LAPTM4A: variants seen among roughly 807,000 people sequenced by gnomAD.
LAPTM4A encodes the protein lysosomal-associated transmembrane protein 4A.
LAPTM4A carries 19 observed loss-of-function variants against 29.9 expected under a neutral mutation model. The ratio of observed to expected loss-of-function variants is 0.64; its 90% CI spans 0.44 to 0.93. LAPTM4A has a LOEUF of 0.93. Ranked by LOEUF, LAPTM4A falls within the 40% of genes least tolerant of loss-of-function variation. LAPTM4A has a pLI of 0.00. For synonymous variants in LAPTM4A, 105 were observed against 102.1 expected, an observed-to-expected ratio of 1.03 and a Z score of -0.17; for missense variants, 293 against 288.5, an observed-to-expected ratio of 1.02 and a Z score of -0.11.
intron 2 of LAPTM4A, among the ~76,000 whole-genome samples, chr2:20,039,460 G>A (rs1558384884): frequency 1.3e-5 from 2 of 152,202 alleles, no homozygotes; most frequent in Admixed American, 1.3e-4. Flanking sequence ...CGGCTTTCAA[G>A]AGTCTGCTAT....
chr2:20,050,584 A>G (rs1273795188), intron 1 of LAPTM4A, among the ~76,000 whole-genome samples: 1 of 152,196 alleles, frequency 6.6e-6, no homozygotes, highest in Non-Finnish European at 1.5e-5. Context: ...TGGATACTAT[A>G]AATGGTGAAT....
intron 1 of LAPTM4A, among the ~76,000 whole-genome samples, chr2:20,041,398 C>T (rs73222121): frequency 0.15 from 23,451 of 152,124 alleles, 1,976 homozygotes; most frequent in Admixed American, 0.2. Context: ...ATGCCCGAAA[C>T]CCCTCCACAG....
At chr2:20,047,916 T>C (rs1673969947) in intron 1 of LAPTM4A, among the ~76,000 whole-genome samples, 1 of 152,100 alleles carries the variant, frequency 6.6e-6, no homozygotes, top group Non-Finnish European at 1.5e-5. Flanking sequence ...AGGAATAGCA[T>C]ATGCAAAGGC....
At chr2:20,044,841 C>G (rs969651572) in intron 1 of LAPTM4A, among the ~76,000 whole-genome samples, 1 of 152,198 alleles carries the variant, frequency 6.6e-6, no homozygotes, top group African/African-American at 2.4e-5. Context: ...TCCATTAGAT[C>G]ACATCATTTC....
intron 1 of LAPTM4A, among the ~76,000 whole-genome samples, chr2:20,046,748 T>TATAATATAA (rs1235276011): frequency 4.5e-5 from 6 of 132,666 alleles, no homozygotes; most frequent in Non-Finnish European, 8.3e-5. Context: ...TAAATATATA[T>TATAATATAA]TATATAAATA....
intron 1 of LAPTM4A, among the ~76,000 whole-genome samples, chr2:20,047,553 G>A (rs1434808302): frequency 2.7e-5 from 4 of 150,118 alleles, no homozygotes; most frequent in African/African-American, 7.3e-5. Context: ...AGCCGGGCGC[G>A]GTGGCGGGCG....
At chr2:20,042,865 G>A (rs1305277084) in intron 1 of LAPTM4A, among the ~76,000 whole-genome samples, 5 of 152,184 alleles carry the variant, frequency 3.3e-5, no homozygotes, top group Non-Finnish European at 7.3e-5. Flanking sequence ...AAAGTTCACA[G>A]AATTTGCCCT....
chr2:20,034,167 C>T (rs1286483488), intron 6 of LAPTM4A, 150 bp downstream of exon 6: 2 of 663,910 alleles, frequency 3.0e-6, no homozygotes, highest in Non-Finnish European at 5.4e-6. Context: ...AATGTTGAAT[C>T]CTGTGGATTT....
At chr2:20,038,479 G>A (rs1198592794) in intron 2 of LAPTM4A, among the ~76,000 whole-genome samples, 1 of 152,184 alleles carries the variant, frequency 6.6e-6, no homozygotes, top group African/African-American at 2.4e-5. Flanking sequence ...AGGCTAGAGT[G>A]CAGTGGCGCG....
chr2:20,048,150 T>C (rs977071410), intron 1 of LAPTM4A, among the ~76,000 whole-genome samples: 1 of 152,212 alleles, frequency 6.6e-6, no homozygotes, highest in Non-Finnish European at 1.5e-5. Flanking sequence ...ATGCTCAAAA[T>C]GTAGTCTTGT....
At chr2:20,036,852 C>T (rs1330445575) in intron 4 of LAPTM4A, among the ~76,000 whole-genome samples, 1 of 152,150 alleles carries the variant, frequency 6.6e-6, no homozygotes, top group East Asian at 1.9e-4. Flanking sequence ...ATCTTGACTC[C>T]CCAAATATTA....
Position 20,046,351 on chromosome 2 carries a change from A to T in LAPTM4A, c.111+5059T>A, listed in dbSNP as rs190291907. On this transcript the variant is annotated intron_variant, in intron 1 of 6. Transcript: ENST00000175091. Reference sequence around the variant, plus strand: ...TACCCTAGAACTTACAGTATAATTTAAAAAAAAAAAGTTTTTTGTTGTTGT... The same window carrying T: ...TACCCTAGAACTTACAGTATAATTTTAAAAAAAAAAGTTTTTTGTTGTTGT... Among the ~76,000 whole-genome samples the T allele has an allele frequency of 3.4e-3, 492 of 144,362 alleles. 3 individuals are homozygous for T. Among genetic ancestry groups the T allele is most frequent in the African/African-American group, 0.012 (429 of 36,648 alleles). 94.7% of individuals were successfully genotyped at this position (144,362 alleles called of 152,430 possible). A position where few individuals can be genotyped will look rare whatever the true frequency, so the allele number is the denominator to read the frequency against.
intron 4 of LAPTM4A, 167 bp downstream of exon 4, chr2:20,037,149 T>A: frequency 7.5e-6 from 4 of 536,170 alleles, no homozygotes; most frequent in Non-Finnish European, 1.3e-5. Context: ...TACTTTCATC[T>A]TGCCAGTTTT....
Position 20,051,402 on chromosome 2 carries a change from CG to C in LAPTM4A, c.111+7del, listed in dbSNP as rs778209710. ...CCCGGACATACGCGCCACGCCTGCC[CG>C]CCTTACCATGTACCAGGTCCCCAGG... On this transcript the variant is annotated splice_region_variant and intron_variant, in intron 1 of 6. Transcript: ENST00000175091. The C allele has an allele frequency of 3.1e-6, 5 of 1,596,328 alleles. No homozygotes were observed. Among genetic ancestry groups the C allele is most frequent in the Non-Finnish European group, 4.3e-6 (5 of 1,164,966 alleles).
rs761617498 is a variant in LAPTM4A, at chr2:20,034,379, A to AT, written c.564dup (p.Tyr189IlefsTer17). 4 of 1,613,986 alleles carry AT rather than the reference A, an allele frequency of 2.5e-6. No individual in the cohort carries two copies. The highest frequency in any genetic ancestry group is 8.5e-7 in the Non-Finnish European group (1 of 1,179,830). ...TCCGGCACGTTTCGGTTGTTGATGT[A>AT]TTTATAGCAGTTCCAAACACAGTTA... is the stretch of plus-strand genomic sequence containing the variant. On this transcript the variant is annotated frameshift_variant, in exon 6 of 7. Coordinates refer to ENST00000175091, the MANE Select transcript of LAPTM4A (RefSeq NM_014713.5). LOFTEE classifies it high-confidence loss of function.
At chr2:20,038,914 T>C (rs149136053) in intron 2 of LAPTM4A, among the ~76,000 whole-genome samples, 137 of 152,098 alleles carry the variant, frequency 9.0e-4, no homozygotes, top group South Asian at 1.9e-3. Flanking sequence ...TGGGTAAATG[T>C]ATATACAACT....
chr2:20,040,665 C>T (rs188574458), intron 2 of LAPTM4A, among the ~76,000 whole-genome samples: 117 of 152,282 alleles, frequency 7.7e-4, no homozygotes, highest in African/African-American at 2.6e-3. Context: ...CTACAGTATT[C>T]GGTACAGTAA....
chr2:20,038,268 G>A (rs948417406), intron 2 of LAPTM4A, among the ~76,000 whole-genome samples: 3 of 152,092 alleles, frequency 2.0e-5, no homozygotes, highest in African/African-American at 4.8e-5. Context: ...TTTCTTCTTC[G>A]TTTCTCAACT....
At position 20,032,807 on chromosome 2, in the gene LAPTM4A, T is replaced by TA. The variant is rs1477239179; in HGVS notation, c.*397dup. 1 of 175,650 alleles carries TA rather than the reference T, an allele frequency of 5.7e-6. No individual in the cohort carries two copies. The highest frequency in any genetic ancestry group is 1.2e-5 in the Non-Finnish European group (1 of 81,454). The allele number at this position is 175,650 out of a possible 1,614,324, so 10.9% of individuals were successfully genotyped here. ...AGTTCAGATCTTATACCCAACTACT[T>TA]ACTCACCCCGAATATTTAAGTCAGT... On this transcript the variant is annotated 3_prime_UTR_variant, in exon 7 of 7. Transcript: ENST00000175091.
Sources: gnomAD v4.1 joint callset for allele counts (sites outside exome capture counted in the v4.1 genomes callset) on GRCh38, gnomAD v4.1.1 for gene constraint, MANE v1.5 for transcripts, NCBI Gene and HGNC (gene_info 2026-07-23, HGNC 2026-07-21) for gene names.